SMAD9: variants seen among roughly 807,000 people sequenced by gnomAD.
SMAD9 encodes SMAD family member 9.
A neutral mutation model predicts 46.1 loss-of-function variants in SMAD9; 36 were observed. The observed-to-expected ratio is 0.78, with a 90% confidence interval of 0.60 to 1.03. The LOEUF is 1.03. SMAD9 is among the 50% of genes least tolerant of loss of function. The probability of loss-of-function intolerance (pLI) is 0.00; values close to 1 mark genes in which losing one functional copy is unlikely to be tolerated. For synonymous variants in SMAD9, 245 were observed against 237.1 expected (o/e 1.03, Z -0.31); for missense variants, 572 against 599.8 (o/e 0.95, Z 0.48).
At position 36,871,551 on chromosome 13, in the gene SMAD9, G is replaced by A. The variant is rs7993466; in HGVS notation, c.670+1107C>T. Among the ~76,000 whole-genome samples, 680 of 152,034 alleles carry A rather than the reference G, an allele frequency of 4.5e-3. 12 individuals are homozygous for A. Among genetic ancestry groups the A allele is most frequent in the African/African-American group, 0.015 (640 of 41,372 alleles). On this transcript the variant is annotated intron_variant, in intron 3 of 6. Coordinates refer to ENST00000379826, the MANE Select transcript of SMAD9 (RefSeq NM_001127217.3). ...AAATAAAAAATAAAAATAAATAAAC[G>A]CCTGTGTAGTAATTTATTTATTCAA...
Position 36,879,642 on chromosome 13 carries a change from G to C in SMAD9, c.48C>G (p.Pro16=), listed in dbSNP as rs151312678. 1.2e-6 allele frequency: 2 copies of C among 1,614,070 alleles called. No individual in the cohort carries two copies. Among genetic ancestry groups the C allele is most frequent in the Admixed American group, 1.7e-5 (1 of 60,012 alleles). ...TCCAGCCTAGCAGTCTCTTCACTGC[G>C]GGGCTGGTGAAGGAGAAGAGGGAGC... ...PISSLFSFTS[P]AVKRLLGWKQ... is the part of the protein sequence containing the mutation. Residue 16 remains proline (P), a synonymous_variant, in exon 2 of 7, where the codon CCC becomes CCG. Coordinates refer to ENST00000379826, the MANE Select transcript of SMAD9 (RefSeq NM_001127217.3).
intron 3 of SMAD9, among the ~76,000 whole-genome samples, chr13:36,871,967 C>T (rs942811791): frequency 4.6e-5 from 7 of 152,160 alleles, no homozygotes; most frequent in African/African-American, 1.7e-4. Flanking sequence ...TTGTCAGCTC[C>T]GCACAGTATT....
intron 1 of SMAD9, among the ~76,000 whole-genome samples, chr13:36,912,966 T>C (rs1566043624): frequency 6.6e-6 from 1 of 152,200 alleles, no homozygotes; most frequent in Non-Finnish European, 1.5e-5. Context: ...GTCCCTCGTA[T>C]AAAATGGTAT....
In SMAD9 at chr13:36,846,467, C is replaced by G. The variant is rs1253656706; in HGVS notation, c.*2209G>C. On this transcript the variant is annotated 3_prime_UTR_variant, in exon 7 of 7. Transcript: ENST00000379826. The stretch of plus-strand genomic sequence containing the variant: ...TCTGGCCTGGTGACACAGCGAGACT[C>G]CATCTCAAAAAAAAAAAAAAAAAAA... The G allele has an allele frequency of 1.1e-5, 1 of 87,674 alleles. No homozygotes were observed. The highest frequency in any genetic ancestry group is 2.2e-5 in the Non-Finnish European group (1 of 45,336). The allele number at this position is 87,674 out of a possible 1,614,324, so 5.4% of individuals were successfully genotyped here.
At position 36,915,776 on chromosome 13, in the gene SMAD9, T is replaced by C. The variant is rs528424359; in HGVS notation, c.-187+4340A>G. Among the ~76,000 whole-genome samples the C allele has an allele frequency of 2.6e-5, 4 of 152,328 alleles. No individual in the cohort carries two copies. The South Asian group carries it at 8.3e-4, about 32-fold the overall frequency. On this transcript the variant is annotated intron_variant, in intron 1 of 6. Transcript: ENST00000379826. ...CAACCGTGTGCACACACATATACAA[T>C]CCACCTTAATATTTATGCCTTTTAT...
chr13:36,848,590 G>A lies in SMAD9; in HGVS notation c.*86C>T. 7.8e-7 allele frequency: 1 copy of A among 1,277,890 alleles called. No individual in the cohort carries two copies. Among genetic ancestry groups the A allele is most frequent in the Middle Eastern group, 1.8e-4 (1 of 5,432 alleles). The allele number at this position is 1,277,890 out of a possible 1,614,324, so 79.2% of individuals were successfully genotyped here. ...TTCTATGTATTTACACATGTTTTTA[G>A]AAACTTCAGTTGCAAATCTGAAATG... is the stretch of plus-strand genomic sequence containing the variant. On this transcript the variant is annotated 3_prime_UTR_variant, in exon 7 of 7. Transcript: ENST00000379826.
In SMAD9 at chr13:36,848,644, A is replaced by G. The variant is rs2058050971; in HGVS notation, c.*32T>C. 6.2e-7 allele frequency: 1 copy of G among 1,610,122 alleles called. No homozygotes were observed. Among genetic ancestry groups the G allele is most frequent in the Non-Finnish European group, 8.5e-7 (1 of 1,176,284 alleles). On this transcript the variant is annotated 3_prime_UTR_variant, in exon 7 of 7. Transcript: ENST00000379826. ...CAAGCCACTCCCTGCAATAGCCTCTATCCTATGGAAATGCAGCTTAAGACA... is the reference window on the plus strand; with the variant it reads ...CAAGCCACTCCCTGCAATAGCCTCTGTCCTATGGAAATGCAGCTTAAGACA...
intron 1 of SMAD9, among the ~76,000 whole-genome samples, chr13:36,919,740 G>C (rs1231247315): frequency 7.0e-6 from 1 of 143,352 alleles, no homozygotes; most frequent in Non-Finnish European, 1.5e-5. Flanking sequence ...CCCGGGGCCC[G>C]CGGCGCGGGC....
chr13:36,858,459 T>C (rs185213319), intron 5 of SMAD9, among the ~76,000 whole-genome samples: 210 of 152,354 alleles, frequency 1.4e-3, no homozygotes, highest in African/African-American at 4.7e-3. Context: ...TCTGGGCTGA[T>C]AGCAAGGCTG....
intron 1 of SMAD9, among the ~76,000 whole-genome samples, chr13:36,885,916 CT>C (rs1376226239): frequency 2.7e-4 from 41 of 152,070 alleles, no homozygotes; most frequent in Admixed American, 6.6e-4. Context: ...AAGAAGAGGA[CT>C]AAGCTAAAGA....
chr13:36,861,342 C>A (rs530261565), intron 5 of SMAD9, among the ~76,000 whole-genome samples: 6 of 151,760 alleles, frequency 4.0e-5, no homozygotes, highest in African/African-American at 1.2e-4. Flanking sequence ...TGAGATGGAG[C>A]CTTGCACTAT....
At chr13:36,861,704 G>C (rs1174898029) in intron 5 of SMAD9, among the ~76,000 whole-genome samples, 2 of 150,326 alleles carry the variant, frequency 1.3e-5, no homozygotes, top group East Asian at 4.1e-4. Flanking sequence ...CCAAGGCAGG[G>C]GATCACCCGA....
chr13:36,899,048 ACT>A (rs767333388), intron 1 of SMAD9, among the ~76,000 whole-genome samples: 344 of 152,260 alleles, frequency 2.3e-3, no homozygotes, highest in Non-Finnish European at 4.0e-3. Context: ...AATTGAAAAA[ACT>A]GTTGAAACTA....
chr13:36,912,900 T>A (rs568569687), intron 1 of SMAD9, among the ~76,000 whole-genome samples: 2 of 152,110 alleles, frequency 1.3e-5, no homozygotes, highest in Non-Finnish European at 2.9e-5. Context: ...TCCCCAGGTA[T>A]CTATGGGGGA....
rs776663284 is a variant in SMAD9 at position 36,872,781 on chromosome 13, G to A, written c.547C>T (p.Gln183Ter). ...GGAGGGAGTGCAGAGCACGGAGGCT[G>A]CTGGAAAGAGTCAGGATAGGTGGCG... ...HNATYPDSFQ[Q>*]PPCSALPPSP... The change falls in exon 3 of 7, where the codon CAG becomes TAG. Residue 183 changes from glutamine to a stop codon, truncating the protein, a stop_gained. Transcript: ENST00000379826. LOFTEE classifies it high-confidence loss of function. 2.5e-6 allele frequency: 4 copies of A among 1,614,112 alleles called. No individual in the cohort carries two copies. The highest frequency in any genetic ancestry group is 3.3e-5 in the Admixed American group (2 of 60,026).
chr13:36,918,557 A>T (rs753614489), intron 1 of SMAD9, among the ~76,000 whole-genome samples: 3 of 152,220 alleles, frequency 2.0e-5, no homozygotes, highest in Admixed American at 6.5e-5. Flanking sequence ...TCTTGTATTT[A>T]AAATGCTCCT....
intron 5 of SMAD9, among the ~76,000 whole-genome samples, chr13:36,858,617 C>T (rs2058149160): frequency 6.6e-6 from 1 of 152,140 alleles, no homozygotes; most frequent in African/African-American, 2.4e-5. Context: ...AGGTGTCTCC[C>T]TTACCACTGC....
intron 1 of SMAD9, among the ~76,000 whole-genome samples, chr13:36,901,555 G>C (rs913867738): frequency 7.9e-5 from 12 of 151,812 alleles, no homozygotes; most frequent in Admixed American, 7.9e-4. Flanking sequence ...AGCCTCCCAA[G>C]TAGCTGAGAC....
intron 1 of SMAD9, among the ~76,000 whole-genome samples, chr13:36,919,628 A>G (rs2058725714): frequency 6.8e-6 from 1 of 146,150 alleles, no homozygotes; most frequent in Admixed American, 6.9e-5. Context: ...CAGCTACAGC[A>G]AGCGACCCCT....
Sources: gnomAD v4.1 joint callset for allele counts (sites outside exome capture counted in the v4.1 genomes callset) on GRCh38, gnomAD v4.1.1 for gene constraint, MANE v1.5 for transcripts, NCBI Gene and HGNC (gene_info 2026-07-23, HGNC 2026-07-21) for gene names.